Variants in GOLGA3 observed in about 807,000 individuals in gnomAD.
GOLGA3 encodes the protein golgin subfamily A member 3.
GOLGA3 carries 75 observed loss-of-function variants against 169.4 expected under a neutral mutation model. That is an observed-to-expected ratio of 0.44 (90% CI 0.37 to 0.54). The LOEUF is 0.54. Ranked by LOEUF, GOLGA3 falls within the 20% of genes least tolerant of loss-of-function variation. GOLGA3 has a pLI of 0.00. For synonymous variants in GOLGA3, 824 were observed against 822.4 expected, an observed-to-expected ratio of 1.00 and a Z score of -0.03; for missense variants, 1,899 against 1,930.0, an observed-to-expected ratio of 0.98 and a Z score of 0.30.
chr12:132,788,629 C>T (rs140342294), intron 13 of GOLGA3, among the ~76,000 whole-genome samples: 3 of 152,324 alleles, frequency 2.0e-5, no homozygotes, highest in East Asian at 1.9e-4. Flanking sequence ...CGGGCCCCGA[C>T]GCCCTGCCCT....
rs752082225 is a variant in GOLGA3 at position 132,786,342 on chromosome 12, T to A, written c.3120A>T (p.Leu1040=). 1.1e-4 allele frequency: 178 copies of A among 1,595,910 alleles called. 3 individuals carry two copies. In the South Asian group the frequency reaches 1.9e-3, roughly 17 times the overall value. The change falls in exon 15 of 24, where the codon CTA becomes CTT. Residue 1040 remains leucine, a synonymous_variant. Transcript: ENST00000450791. Reference sequence around the variant, plus strand: ...GGGATGGCACGGTGTTACCTACATGTAGAGCCAGGCTGCTGTCACTGCTGC... The same window carrying A: ...GGGATGGCACGGTGTTACCTACATGAAGAGCCAGGCTGCTGTCACTGCTGC... ...QGGSSDSSLA[L]HERIQALEAE... is the part of the protein sequence containing the mutation.
In GOLGA3 at chr12:132,804,803, C is replaced by G; in HGVS notation, c.1510G>C (p.Asp504His). The G allele has an allele frequency of 1.2e-6, 2 of 1,614,212 alleles. No individual in the cohort carries two copies. Among genetic ancestry groups the G allele is most frequent in the East Asian group, 2.2e-5 (1 of 44,892 alleles). The change falls in exon 7 of 24, where the codon GAC (aspartate) becomes CAC (histidine). Residue 504 changes from aspartate to histidine, a missense_variant. Transcript: ENST00000450791. The surrounding 1 kb of genome is among the most constrained non-coding windows in gnomAD (Gnocchi z 4.1). ...KNASLASSNN[D>H]LQVAEEQYQR... is the part of the protein sequence containing the mutation. ...TACTGCTCCTCGGCCACCTGCAAGT[C>G]GTTGTTGGACGACGCCAGGCTGGCA...
chr12:132,820,622 T>C (rs1053105960), intron 2 of GOLGA3, among the ~76,000 whole-genome samples: 4 of 152,160 alleles, frequency 2.6e-5, no homozygotes, highest in African/African-American at 7.2e-5. Flanking sequence ...TCTACAGTTT[T>C]AAAGCACTGA....
chr12:132,813,508 T>C (rs947648430), intron 3 of GOLGA3, 89 bp from the exon 4 acceptor site: 2 of 681,144 alleles, frequency 2.9e-6, no homozygotes, highest in Non-Finnish European at 2.6e-6. Flanking sequence ...TTGTACTTAA[T>C]TACCCATATA....
At chr12:132,812,040 T>G (rs868118810) in intron 4 of GOLGA3, among the ~76,000 whole-genome samples, 45 of 130,816 alleles carry the variant, frequency 3.4e-4, no homozygotes, top group African/African-American at 1.3e-3. Flanking sequence ...AAAAAAAAAG[T>G]AGCCGGGCAT....
chr12:132,773,183 C>G lies in GOLGA3; in HGVS notation c.4419G>C (p.Pro1473=), dbSNP rs777921874. ...CGCCGCGTGGGCCGGCGTGACCCCC[C>G]GGGGGCACAGGGCTGGCAGTGGCTG... ...LEPATASPVP[P]GGHAGPRGDP... Residue 1473 remains proline (P), a synonymous_variant, in exon 24 of 24, where the codon CCG becomes CCC. Coordinates refer to ENST00000450791, the MANE Select transcript of GOLGA3 (RefSeq NM_001389683.1). 6.3e-7 allele frequency: 1 copy of G among 1,585,914 alleles called. No individual in the cohort carries two copies. The highest frequency in any genetic ancestry group is 2.3e-5 in the East Asian group (1 of 43,452).
chr12:132,822,346 C>T, intron 1 of GOLGA3, 35 bp from the exon 2 acceptor site: 1 of 1,179,956 alleles, frequency 8.5e-7, no homozygotes, highest in Non-Finnish European at 1.1e-6. Flanking sequence ...TATTATGAAA[C>T]TTGTCAGATT....
chr12:132,805,782 G>C (rs1566118826), intron 6 of GOLGA3, among the ~76,000 whole-genome samples: 1 of 152,274 alleles, frequency 6.6e-6, no homozygotes, highest in African/African-American at 2.4e-5. Context: ...CCCGTCTCCT[G>C]CGAGGACACT....
Position 132,796,954 on chromosome 12 carries a change from C to G in GOLGA3, c.1939-254G>C, listed in dbSNP as rs1378615497. Among the ~76,000 whole-genome samples, 3 of 152,304 alleles carry G rather than the reference C, an allele frequency of 2.0e-5. No homozygotes were observed. The East Asian group carries it at 5.8e-4, about 29-fold the overall frequency. ...TTGGACCCACTGGTGAGCAGAGCCT[C>G]CCCGACTTTCTCGTGTGGCGACAGC... is the stretch of plus-strand genomic sequence containing the variant. On this transcript the variant is annotated intron_variant, in intron 9 of 23. Transcript: ENST00000450791.
intron 6 of GOLGA3, among the ~76,000 whole-genome samples, chr12:132,806,772 G>C (rs1421491022): frequency 6.6e-6 from 1 of 152,160 alleles, no homozygotes; most frequent in Non-Finnish European, 1.5e-5. Flanking sequence ...TGATGTTTCT[G>C]GCACATGCTA....
At chr12:132,787,529 T>G in intron 13 of GOLGA3, among the ~76,000 whole-genome samples, 1 of 21,490 alleles carries the variant, frequency 4.7e-5, no homozygotes, top group Non-Finnish European at 9.5e-5. Context: ...CTCCCCACAG[T>G]CCCCAGACCC....
chr12:132,777,116 G>A lies in GOLGA3; in HGVS notation c.3723-26C>T. ...CTAGCGTAAAAAAACAAGAAAGAAGGGAATCGCCACGCTCCTCCAGTGTGC... is the reference window on the plus strand; with the variant it reads ...CTAGCGTAAAAAAACAAGAAAGAAGAGAATCGCCACGCTCCTCCAGTGTGC... On this transcript the variant is annotated intron_variant, in intron 19 of 23. Transcript: ENST00000450791. The surrounding 1 kb of genome is among the most constrained non-coding windows in gnomAD (Gnocchi z 4.7). The A allele has an allele frequency of 1.3e-6, 2 of 1,561,246 alleles. No individual in the cohort carries two copies. Among genetic ancestry groups the A allele is most frequent in the East Asian group, 2.2e-5 (1 of 44,560 alleles).
chr12:132,783,222 C>CACAACCCTGCGATGGACACCAA (rs2045705490), intron 16 of GOLGA3, among the ~76,000 whole-genome samples: 2 of 152,188 alleles, frequency 1.3e-5, no homozygotes, highest in South Asian at 4.1e-4. Context: ...ATGGACACCA[C>CACAACCCTGCGATGGACACCAA]ACAACCCTGC....
chr12:132,822,908 G>C (rs924162692), intron 1 of GOLGA3, among the ~76,000 whole-genome samples: 3 of 152,140 alleles, frequency 2.0e-5, no homozygotes, highest in African/African-American at 7.2e-5. Context: ...GGTGACAGAG[G>C]GAGACCCCAT....
rs1221854041 is a variant in GOLGA3, at chr12:132,808,200, G to A, written c.869C>T (p.Ser290Phe). 1 of 1,613,556 alleles carries A rather than the reference G, an allele frequency of 6.2e-7. No homozygotes were observed. The highest frequency in any genetic ancestry group is 8.5e-7 in the Non-Finnish European group (1 of 1,179,682). Residue 290 changes from serine (S) to phenylalanine (F), a missense_variant, in exon 5 of 24, where the codon TCC becomes TTC. By Grantham distance (155) the Ser-to-Phe change is radical. Coordinates refer to ENST00000450791, the MANE Select transcript of GOLGA3 (RefSeq NM_001389683.1). ...CTCCAGACGGTCGTCAGTGTCGGGG[G>A]ACAGGCTGATCTCAGACACAACGGA... ...AASVVSEISLSPDTDDRLENT... is the reference protein window; with the variant it reads ...AASVVSEISLFPDTDDRLENT...
At position 132,822,255 on chromosome 12, in the gene GOLGA3, G is replaced by A. The variant is rs983286188; in HGVS notation, c.-127C>T. On this transcript the variant is annotated 5_prime_UTR_variant, in exon 2 of 24. Transcript: ENST00000450791. ...GCCCTACTGTGTCTCCCATTTTCAG[G>A]AGAAGATCTGATGACTCACAAATGA... 3 of 1,412,238 alleles carry A rather than the reference G, an allele frequency of 2.1e-6. No individual in the cohort carries two copies. In the African/African-American group the frequency reaches 4.5e-5, roughly 21 times the overall value. 87.5% of individuals were successfully genotyped at this position (1,412,238 alleles called of 1,614,324 possible).
rs537064551 is a variant in GOLGA3, at chr12:132,790,312, G to C, written c.2547+904C>G. On this transcript the variant is annotated intron_variant, in intron 12 of 23. Transcript: ENST00000450791. Reference sequence around the variant, plus strand: ...TCGCACCACTGCCCTCCAGCCTGGGGTACAGAGCGAGACTTCATCTCAAAA... The same window carrying C: ...TCGCACCACTGCCCTCCAGCCTGGGCTACAGAGCGAGACTTCATCTCAAAA... Among the ~76,000 whole-genome samples, 13 of 152,210 alleles carry C rather than the reference G, an allele frequency of 8.5e-5. No homozygotes were observed. The South Asian group carries it at 1.2e-3, about 15-fold the overall frequency.
In GOLGA3 at chr12:132,796,569, C is replaced by T. The variant is rs376531017; in HGVS notation, c.2070G>A (p.Ser690=). ...CCAGCTGCTGCTCCAGGGATGCCGC[C>T]GAGTCCGCCATCCTCTGCAGCCGCT... is the stretch of plus-strand genomic sequence containing the variant. ...ERERLQRMAD[S]AASLEQQLEQ... is the part of the protein sequence containing the mutation. Residue 690 remains serine, a synonymous_variant, in exon 10 of 24, where the codon TCG becomes TCA. Coordinates refer to ENST00000450791, the MANE Select transcript of GOLGA3 (RefSeq NM_001389683.1). 11 of 1,612,744 alleles carry T rather than the reference C, an allele frequency of 6.8e-6. No homozygotes were observed. The highest frequency in any genetic ancestry group is 4.0e-5 in the African/African-American group (3 of 75,050).
At position 132,773,176 on chromosome 12, in the gene GOLGA3, G is replaced by A; in HGVS notation, c.4426C>T (p.His1476Tyr). 1 of 1,585,724 alleles carries A rather than the reference G, an allele frequency of 6.3e-7. No homozygotes were observed. Among genetic ancestry groups the A allele is most frequent in the Non-Finnish European group, 8.6e-7 (1 of 1,165,508 alleles). ...ATASPVPPGG[H>Y]AGPRGDPQRH... The stretch of plus-strand genomic sequence containing the variant: ...TGTGGGTCGCCGCGTGGGCCGGCGT[G>A]ACCCCCCGGGGGCACAGGGCTGGCA... Residue 1476 changes from histidine (H) to tyrosine (Y), a missense_variant, in exon 24 of 24, where the codon CAC becomes TAC. Physicochemically the swap from His to Tyr is moderately conservative, Grantham distance 83. Coordinates refer to ENST00000450791, the MANE Select transcript of GOLGA3 (RefSeq NM_001389683.1).
Sources: gnomAD v4.1 joint callset for allele counts (sites outside exome capture counted in the v4.1 genomes callset) on GRCh38, gnomAD v4.1.1 for gene constraint, Gnocchi (gnomAD v3.1) non-coding constraint, MANE v1.5 for transcripts, NCBI Gene and HGNC (gene_info 2026-07-23, HGNC 2026-07-21) for gene names.